Variants in NCKAP5 observed in about 807,000 individuals in gnomAD.
NCKAP5 encodes the protein nck-associated protein 5.
NCKAP5 carries 92 observed loss-of-function variants against 167.0 expected under a neutral mutation model. The observed-to-expected ratio is 0.55, with a 90% CI of 0.47 to 0.66. The LOEUF (loss-of-function observed/expected upper bound fraction) is 0.66. NCKAP5 is among the 30% of genes least tolerant of loss of function. The pLI is 0.00. For missense variants in NCKAP5, 2,378 were observed against 2,315.0 expected (o/e 1.03, Z -0.56); for synonymous variants, 891 against 877.4 (o/e 1.02, Z -0.27).
At chr2:132,888,203 G>A (rs912128145) in intron 8 of NCKAP5, among the ~76,000 whole-genome samples, 4 of 152,168 alleles carry the variant, frequency 2.6e-5, no homozygotes, top group South Asian at 4.2e-4. Flanking sequence ...GCATCAATGC[G>A]TTTGTTGGCA....
At chr2:133,387,535 C>T (rs1011687751) in intron 3 of NCKAP5, among the ~76,000 whole-genome samples, 1 of 152,152 alleles carries the variant, frequency 6.6e-6, no homozygotes, top group East Asian at 1.9e-4. Context: ...TGGAGTTGCT[C>T]TTCTCGAGGA....
At chr2:133,233,699 G>T (rs982496010) in intron 4 of NCKAP5, among the ~76,000 whole-genome samples, 1 of 152,082 alleles carries the variant, frequency 6.6e-6, no homozygotes, top group Non-Finnish European at 1.5e-5. Flanking sequence ...TAATTAGCTG[G>T]TAAGTACCAC....
intron 3 of NCKAP5, among the ~76,000 whole-genome samples, chr2:133,340,910 A>C (rs1375029386): frequency 2.0e-5 from 3 of 152,190 alleles, no homozygotes; most frequent in African/African-American, 7.2e-5. Context: ...CTCAGAAGTT[A>C]TATTGTTTCC....
chr2:133,130,702 C>T (rs566237579), intron 5 of NCKAP5, among the ~76,000 whole-genome samples: 24 of 152,304 alleles, frequency 1.6e-4, no homozygotes, highest in African/African-American at 5.5e-4. Flanking sequence ...GAACGGGTAT[C>T]AGGGACTGAA....
At chr2:132,819,522 G>T (rs557966168) in intron 11 of NCKAP5, among the ~76,000 whole-genome samples, 1 of 152,288 alleles carries the variant, frequency 6.6e-6, no homozygotes, top group East Asian at 1.9e-4. Flanking sequence ...CCCTTTGCCT[G>T]TAGGAGGCAA....
intron 4 of NCKAP5, among the ~76,000 whole-genome samples, chr2:133,224,969 T>C (rs1007745582): frequency 1.4e-4 from 22 of 152,204 alleles, no homozygotes; most frequent in Non-Finnish European, 7.4e-5. Context: ...GTATTCCTTA[T>C]GTTGCCACGC....
intron 3 of NCKAP5, among the ~76,000 whole-genome samples, chr2:133,305,635 T>C (rs567455926): frequency 6.6e-6 from 1 of 152,340 alleles, no homozygotes; most frequent in Non-Finnish European, 1.5e-5. Flanking sequence ...AGATTGATAA[T>C]ACTGATCTCT....
intron 6 of NCKAP5, among the ~76,000 whole-genome samples, chr2:132,999,844 T>A (rs4954021): frequency 0.65 from 98,593 of 151,974 alleles, 32,396 homozygotes; most frequent in Middle Eastern, 0.8. Flanking sequence ...CTATATTCAG[T>A]TATTTAGTTG....
chr2:133,389,122 G>A (rs896964504), intron 3 of NCKAP5, among the ~76,000 whole-genome samples: 4 of 152,156 alleles, frequency 2.6e-5, no homozygotes, highest in Admixed American at 1.3e-4. Context: ...CGTCTTCTGC[G>A]TCACTCATGC....
rs533884824 is a variant in NCKAP5, at chr2:132,923,012, C to CT, written c.579+40707dup. On this transcript the variant is annotated intron_variant, in intron 8 of 19. Transcript: ENST00000409261. ...ACAACTGCATCTTCTTTCAGTCCAC[C>CT]TTTTTTTTAGCATCTCCTTCATGCC... 9.0e-4 allele frequency among the ~76,000 whole-genome samples: 137 copies of CT among 152,040 alleles called. 1 individual carries two copies. Among genetic ancestry groups the CT allele is most frequent in the Middle Eastern group, 3.4e-3 (1 of 294 alleles).
chr2:133,346,977 C>T (rs1441800383), intron 3 of NCKAP5, among the ~76,000 whole-genome samples: 1 of 152,236 alleles, frequency 6.6e-6, no homozygotes, highest in Non-Finnish European at 1.5e-5. Context: ...TGCCTCATCA[C>T]TGTGGTGGGC....
At chr2:133,648,984 T>C in the NCKAP5 span, among the ~76,000 whole-genome samples, 1 of 151,018 alleles carries the variant, frequency 6.6e-6, no homozygotes, top group Non-Finnish European at 1.5e-5. Flanking sequence ...ATCAACAAAA[T>C]TGACAAACCC....
At chr2:133,530,673 C>T (rs899716233) in intron 2 of NCKAP5, among the ~76,000 whole-genome samples, 1 of 152,106 alleles carries the variant, frequency 6.6e-6, no homozygotes, top group Non-Finnish European at 1.5e-5. Flanking sequence ...CTCATTTCTC[C>T]ACCCCTTGAA....
chr2:133,056,933 A>T (rs1161969529), intron 6 of NCKAP5, among the ~76,000 whole-genome samples: 1 of 152,182 alleles, frequency 6.6e-6, no homozygotes, highest in Non-Finnish European at 1.5e-5. Flanking sequence ...AACTGCATTG[A>T]TAAAGTGTAG....
chr2:133,425,283 T>C (rs533443108), intron 3 of NCKAP5, among the ~76,000 whole-genome samples: 13 of 152,334 alleles, frequency 8.5e-5, no homozygotes, highest in Admixed American at 3.9e-4. Context: ...GAGAGGACTA[T>C]TTTGACTGTG....
chr2:133,590,926 TGAGAGA>T, the NCKAP5 span, among the ~76,000 whole-genome samples: 19 of 150,892 alleles, frequency 1.3e-4, no homozygotes, highest in African/African-American at 3.9e-4. Context: ...CATGTGTGTG[TGAGAGA>T]GAGAGAGAGA....
chr2:132,901,775 G>T (rs1000540192), intron 8 of NCKAP5, among the ~76,000 whole-genome samples: 1 of 152,188 alleles, frequency 6.6e-6, no homozygotes, highest in South Asian at 2.1e-4. Flanking sequence ...AGAGCAAAAG[G>T]CAGTGTTGCA....
At chr2:133,036,576 C>A (rs1373974397) in intron 6 of NCKAP5, among the ~76,000 whole-genome samples, 2 of 152,054 alleles carry the variant, frequency 1.3e-5, no homozygotes, top group Admixed American at 1.3e-4. Context: ...ACCACATGAT[C>A]ATTTCAATTG....
chr2:132,724,856 G>A (rs1452538897), intron 19 of NCKAP5, among the ~76,000 whole-genome samples: 1 of 151,598 alleles, frequency 6.6e-6, no homozygotes, highest in African/African-American at 2.4e-5. Context: ...AAATACACAT[G>A]GCTACTAGAT....
Sources: allele counts gnomAD v4.1 joint callset (sites outside exome capture counted in the v4.1 genomes callset), GRCh38; gene constraint gnomAD v4.1.1; transcripts MANE v1.5; gene names NCBI Gene and HGNC (gene_info 2026-07-23, HGNC 2026-07-21).